The following DSCAM variants were observed in gnomAD, a reference collection of about 807,000 sequenced individuals.
DSCAM encodes the protein DS cell adhesion molecule, also known as cell adhesion molecule DSCAM.
A neutral mutation model predicts 217.7 loss-of-function variants in DSCAM; 47 were observed. The ratio of observed to expected loss-of-function variants is 0.22; its 90% confidence interval spans 0.17 to 0.28. The LOEUF (loss-of-function observed/expected upper bound fraction) is 0.28. Ranked by LOEUF, DSCAM falls within the 10% of genes least tolerant of loss-of-function variation. DSCAM has a pLI of 1.00. For synonymous variants in DSCAM, 1,056 were observed against 1,015.3 expected, an observed-to-expected ratio of 1.04 and a Z score of -0.76; for missense variants, 2,080 against 2,618.3, an observed-to-expected ratio of 0.79 and a Z score of 4.49.
chr21:40,298,710 A>G (rs1408091253), intron 9 of DSCAM, among the ~76,000 whole-genome samples: 1 of 152,084 alleles, frequency 6.6e-6, no homozygotes, highest in Non-Finnish European at 1.5e-5. Flanking sequence ...TGGAAGGAAA[A>G]TCTGCAGCCA....
rs2089702325 is a variant in DSCAM, at chr21:40,097,965, AGAAAGAAAGAAAGAAAG to A, written c.3697-4108_3697-4092del. ...CAAAAAAAAAAAAAAAAAGAAAGAA[AGAAAGAAAGAAAGAAAG>A]AAAGAAAGAAAGAAAGAAAGAAAGA... On this transcript the variant is annotated intron_variant, in intron 20 of 32. Transcript: ENST00000400454. 3.1e-4 allele frequency among the ~76,000 whole-genome samples: 18 copies of A among 57,956 alleles called. 3 individuals carry two copies. The highest frequency in any genetic ancestry group is 6.6e-3 in the Middle Eastern group (1 of 152). 38.0% of individuals were successfully genotyped at this position (57,956 alleles called of 152,430 possible). A position where few individuals can be genotyped will look rare whatever the true frequency, so the allele number is the denominator to read the frequency against.
At chr21:40,295,984 A>G in intron 10 of DSCAM, 71 bp downstream of exon 10, 1 of 1,526,654 alleles carries the variant, frequency 6.6e-7, no homozygotes, top group South Asian at 1.3e-5. Flanking sequence ...GGAAATCTAG[A>G]AATGCTTATC....
At chr21:40,101,016 A>C (rs1258222597) in intron 20 of DSCAM, among the ~76,000 whole-genome samples, 2 of 152,230 alleles carry the variant, frequency 1.3e-5, no homozygotes, top group Admixed American at 1.3e-4. Context: ...GAAACAGCCA[A>C]CATTACGAAG....
chr21:40,584,437 G>C (rs761700876), intron 3 of DSCAM, among the ~76,000 whole-genome samples: 1 of 152,204 alleles, frequency 6.6e-6, no homozygotes, highest in Non-Finnish European at 1.5e-5. Context: ...TCTCAGAAGC[G>C]TCGGCAGCAG....
At chr21:40,068,288 T>G (rs2089240299) in intron 27 of DSCAM, among the ~76,000 whole-genome samples, 1 of 151,570 alleles carries the variant, frequency 6.6e-6, no homozygotes, top group Non-Finnish European at 1.5e-5. Flanking sequence ...GGGTGGCGAG[T>G]GGAAGGGGAC....
chr21:40,717,419 T>C (rs1402420366), intron 1 of DSCAM, among the ~76,000 whole-genome samples: 1 of 152,214 alleles, frequency 6.6e-6, no homozygotes. Flanking sequence ...TGGCCAATGG[T>C]GGAAACAGCC....
Position 40,210,281 on chromosome 21 carries a change from C to T in DSCAM, c.2357-21043G>A, listed in dbSNP as rs561487450. On this transcript the variant is annotated intron_variant, in intron 11 of 32. Coordinates refer to ENST00000400454, the MANE Select transcript of DSCAM (RefSeq NM_001389.5). ...TGACCTCACCCCTACAAGGGGCTCT[C>T]CCTTCTCCAAACTCCCACAACTTTT... Among the ~76,000 whole-genome samples, 4 of 152,346 alleles carry T rather than the reference C, an allele frequency of 2.6e-5. No homozygotes were observed. The South Asian group carries it at 8.3e-4, about 32-fold the overall frequency.
intron 32 of DSCAM, among the ~76,000 whole-genome samples, chr21:40,035,873 G>A (rs1473318895): frequency 4.8e-4 from 71 of 146,676 alleles, no homozygotes; most frequent in Admixed American, 1.1e-3. Flanking sequence ...ACTCAAAACC[G>A]CTCAACTACA....
chr21:40,251,721 G>C (rs536763222), intron 11 of DSCAM, among the ~76,000 whole-genome samples: 54 of 152,234 alleles, frequency 3.5e-4, no homozygotes, highest in Non-Finnish European at 7.3e-5. Flanking sequence ...TAGGTCCTGT[G>C]ACTTTCTTCT....
intron 3 of DSCAM, among the ~76,000 whole-genome samples, chr21:40,498,929 A>G (rs2076150897): frequency 6.6e-6 from 1 of 150,926 alleles, no homozygotes; most frequent in African/African-American, 2.4e-5. Flanking sequence ...GAATTTCTCA[A>G]TGCTAAGAAG....
At chr21:40,355,281 G>A (rs555739535) in intron 4 of DSCAM, among the ~76,000 whole-genome samples, 1 of 152,284 alleles carries the variant, frequency 6.6e-6, no homozygotes, top group South Asian at 2.1e-4. Flanking sequence ...GAGATAAGGT[G>A]AATGAGCACT....
At chr21:40,246,017 AG>A (rs2146951115) in intron 11 of DSCAM, among the ~76,000 whole-genome samples, 1 of 152,172 alleles carries the variant, frequency 6.6e-6, no homozygotes, top group East Asian at 1.9e-4. Flanking sequence ...TGCTTTCCTC[AG>A]GCCTTTTCTC....
rs1229499590 is a variant in DSCAM, at chr21:40,149,864, C to T, written c.3019-5133G>A. Among the ~76,000 whole-genome samples the T allele has an allele frequency of 3.3e-5, 5 of 150,692 alleles. 1 individual carries two copies. On this transcript the variant is annotated intron_variant, in intron 16 of 32. Coordinates refer to ENST00000400454, the MANE Select transcript of DSCAM (RefSeq NM_001389.5). ...CACCACAACATCCATCACTCCATCA[C>T]AATCCCAGTGCCAACATCACTATAA... is the stretch of plus-strand genomic sequence containing the variant.
intron 1 of DSCAM, among the ~76,000 whole-genome samples, chr21:40,734,563 T>C (rs2091043957): frequency 6.6e-6 from 1 of 152,206 alleles, no homozygotes; most frequent in African/African-American, 2.4e-5. Flanking sequence ...TCACTGCACT[T>C]TCTTCTATCA....
chr21:40,276,972 TAAA>T (rs111711519), intron 10 of DSCAM, among the ~76,000 whole-genome samples: 1 of 144,016 alleles, frequency 6.9e-6, no homozygotes, highest in Non-Finnish European at 1.5e-5. Context: ...TACAACTGGG[TAAA>T]AAAAAAAAGG....
chr21:40,335,105 T>C (rs1272388939), intron 8 of DSCAM, among the ~76,000 whole-genome samples: 1 of 152,106 alleles, frequency 6.6e-6, no homozygotes, highest in Non-Finnish European at 1.5e-5. Context: ...CTTCCCCAGG[T>C]ATCCATGAGC....
At chr21:40,802,924 T>G (rs1315785162) in intron 1 of DSCAM, among the ~76,000 whole-genome samples, 1 of 152,192 alleles carries the variant, frequency 6.6e-6, no homozygotes, top group East Asian at 1.9e-4. Flanking sequence ...CCTGGGGAAG[T>G]GACAGCATTA....
At chr21:40,786,607 C>T (rs1001082556) in intron 1 of DSCAM, among the ~76,000 whole-genome samples, 4 of 152,132 alleles carry the variant, frequency 2.6e-5, no homozygotes, top group African/African-American at 9.7e-5. Flanking sequence ...GGGGACATGG[C>T]ATCTTCATGC....
chr21:40,327,392 T>C (rs1408977346), intron 8 of DSCAM, among the ~76,000 whole-genome samples: 1 of 152,224 alleles, frequency 6.6e-6, no homozygotes, highest in African/African-American at 2.4e-5. Flanking sequence ...TATATGTTGA[T>C]TTTGTATCCT....
Sources: gnomAD v4.1 joint callset for allele counts (sites outside exome capture counted in the v4.1 genomes callset) on GRCh38, gnomAD v4.1.1 for gene constraint, MANE v1.5 for transcripts, NCBI Gene and HGNC (gene_info 2026-07-23, HGNC 2026-07-21) for gene names.